LGR6: variants seen among roughly 807,000 people sequenced by gnomAD.
The protein encoded by LGR6 is leucine-rich repeat-containing G protein-coupled receptor 6.
In LGR6, 45 loss-of-function variants were observed where a neutral mutation model predicts 69.4. The observed-to-expected ratio is 0.65, with a 90% CI of 0.51 to 0.83. The LOEUF is 0.83. Ranked by LOEUF, LGR6 falls within the 40% of genes least tolerant of loss-of-function variation. The probability of loss-of-function intolerance (pLI) is 0.00; values close to 1 mark genes in which losing one functional copy is unlikely to be tolerated. For missense variants in LGR6, 1,108 were observed against 1,246.7 expected (o/e 0.89, Z 1.68); for synonymous variants, 538 against 555.0 (o/e 0.97, Z 0.43).
At chr1:202,251,833 C>T (rs1249537493) in intron 4 of LGR6, among the ~76,000 whole-genome samples, 3 of 152,014 alleles carry the variant, frequency 2.0e-5, no homozygotes, top group African/African-American at 7.2e-5. Context: ...GGAGGGGAGC[C>T]CACCTGGAAG....
At position 202,303,285 on chromosome 1, in the gene LGR6, G is replaced by A. The variant is rs1185614697; in HGVS notation, c.936G>A (p.Leu312=). 1 of 1,613,618 alleles carries A rather than the reference G, an allele frequency of 6.2e-7. No individual in the cohort carries two copies. The highest frequency in any genetic ancestry group is 1.1e-5 in the South Asian group (1 of 91,070). ...QYLPKLHTLS[L]NGAMDIQEFP... ...TCATTGTCTCTATTTCCAGATCTCT[G>A]AATGGTGCCATGGACATCCAGGAGT... The change falls in exon 10 of 18, where the codon CTG becomes CTA. Residue 312 remains leucine (L), a synonymous_variant. Coordinates refer to ENST00000367278, the MANE Select transcript of LGR6 (RefSeq NM_001017403.2).
chr1:202,263,625 A>G (rs1260397648), intron 4 of LGR6, among the ~76,000 whole-genome samples: 1 of 152,118 alleles, frequency 6.6e-6, no homozygotes, highest in African/African-American at 2.4e-5. Flanking sequence ...TTGTGGACCA[A>G]TCAGTAAGGA....
At chr1:202,306,665 G>A (rs577669249) in intron 12 of LGR6, 10 of 628,578 alleles carry the variant, frequency 1.6e-5, no homozygotes, top group Admixed American at 2.8e-5. Context: ...TGGTTTTGTG[G>A]CTTTGTCTCC....
At chr1:202,303,689 C>T (rs573307718) in intron 10 of LGR6, among the ~76,000 whole-genome samples, 1 of 152,346 alleles carries the variant, frequency 6.6e-6, no homozygotes, top group East Asian at 1.9e-4. Flanking sequence ...CTTTCTGAAG[C>T]TTGATTCCAA....
At chr1:202,214,199 CCT>C (rs1558009291) in intron 1 of LGR6, 2 of 1,535,850 alleles carry the variant, frequency 1.3e-6, no homozygotes, top group East Asian at 5.3e-5. Flanking sequence ...CGGGACAGAA[CCT>C]CTCCCGGGCT....
chr1:202,253,217 T>G (rs1663417171), intron 4 of LGR6, among the ~76,000 whole-genome samples: 1 of 152,206 alleles, frequency 6.6e-6, no homozygotes, highest in African/African-American at 2.4e-5. Context: ...ACAAAGTGGT[T>G]GTTTTGAAGA....
At chr1:202,214,029 G>T (rs1039123376) in intron 1 of LGR6, 14 of 1,343,072 alleles carry the variant, frequency 1.0e-5, no homozygotes, top group Non-Finnish European at 1.3e-5. Context: ...AGGGAAGAGG[G>T]CAGATGGGTG....
chr1:202,251,495 G>C (rs894730694), intron 4 of LGR6, among the ~76,000 whole-genome samples: 2 of 152,182 alleles, frequency 1.3e-5, no homozygotes, highest in African/African-American at 4.8e-5. Flanking sequence ...CTCCAGGTTG[G>C]GGTATGGGGG....
chr1:202,305,525 C>T (rs1028733946), intron 11 of LGR6, among the ~76,000 whole-genome samples, 159 bp from the exon 12 acceptor site: 1 of 152,030 alleles, frequency 6.6e-6, no homozygotes, highest in Non-Finnish European at 1.5e-5. Flanking sequence ...GAGACTGGTG[C>T]CCTGGTGTGA....
Position 202,194,008 on chromosome 1 carries a change from C to A in LGR6, c.19C>A (p.Leu7Ile). The A allele has an allele frequency of 7.2e-7, 1 of 1,380,836 alleles. No homozygotes were observed. The highest frequency in any genetic ancestry group is 9.3e-7 in the Non-Finnish European group (1 of 1,070,200). 85.5% of individuals were successfully genotyped at this position (1,380,836 alleles called of 1,614,324 possible). A position where few individuals can be genotyped will look rare whatever the true frequency, so the allele number is the denominator to read the frequency against. Residue 7 changes from leucine to isoleucine, a missense_variant, in exon 1 of 18, where the codon CTC (leucine) becomes ATC (isoleucine). Physicochemically the swap from Leu to Ile is conservative, Grantham distance 5. Transcript: ENST00000367278. MPSPPG[L>I]RALWLCAALC... ...CGCCGAGATGCCCAGCCCGCCGGGGCTCCGGGCGCTATGGCTTTGCGCCGC... is the reference window on the plus strand; with the variant it reads ...CGCCGAGATGCCCAGCCCGCCGGGGATCCGGGCGCTATGGCTTTGCGCCGC...
intron 1 of LGR6, among the ~76,000 whole-genome samples, chr1:202,221,438 G>A (rs958530236): frequency 9.2e-5 from 14 of 152,032 alleles, no homozygotes; most frequent in Admixed American, 5.9e-4. Flanking sequence ...AAACTTCCAC[G>A]TCCCATGCCC....
At chr1:202,309,261 G>A in intron 15 of LGR6, 85 bp downstream of exon 15, 1 of 1,528,490 alleles carries the variant, frequency 6.5e-7, no homozygotes, top group Non-Finnish European at 8.9e-7. Context: ...GCCCCACCCT[G>A]AGAAGAGCCT....
Position 202,319,440 on chromosome 1 carries a change from C to T in LGR6, c.*233C>T, listed in dbSNP as rs1196552995. ...GCTTCACCTTGATACTGGGCCTCTT[C>T]CTTGTCATGTCTGAAGCTGTGGACC... On this transcript the variant is annotated 3_prime_UTR_variant, in exon 18 of 18. Coordinates refer to ENST00000367278, the MANE Select transcript of LGR6 (RefSeq NM_001017403.2). 1.2e-5 allele frequency: 6 copies of T among 502,308 alleles called. No homozygotes were observed. The highest frequency in any genetic ancestry group is 2.1e-5 in the Non-Finnish European group (6 of 288,378). 31.1% of individuals were successfully genotyped at this position (502,308 alleles called of 1,614,324 possible).
rs200921865 is a variant in LGR6, at chr1:202,314,788, G to A, written c.1568-14G>A. On this transcript the variant is annotated splice_polypyrimidine_tract_variant and intron_variant, in intron 16 of 17. Transcript: ENST00000367278. ...AAGACCCAGGACCCTGCATCACTTT[G>A]TCTCTCCTTTCAGATGACCAGGACC... The A allele has an allele frequency of 1.9e-6, 3 of 1,608,162 alleles. No individual in the cohort carries two copies. Among genetic ancestry groups the A allele is most frequent in the African/African-American group, 1.3e-5 (1 of 74,900 alleles).
At chr1:202,206,409 G>A (rs910053155) in intron 1 of LGR6, among the ~76,000 whole-genome samples, 12 of 152,336 alleles carry the variant, frequency 7.9e-5, no homozygotes, top group South Asian at 2.1e-4. Flanking sequence ...GCCCCCCAGC[G>A]CAGTTACCTG....
At chr1:202,272,717 C>T (rs953667817) in intron 4 of LGR6, among the ~76,000 whole-genome samples, 5 of 152,248 alleles carry the variant, frequency 3.3e-5, no homozygotes, top group African/African-American at 1.2e-4. Context: ...GATGGACTAA[C>T]CAGGACTGTA....
chr1:202,266,191 G>A (rs548797009), intron 4 of LGR6, among the ~76,000 whole-genome samples: 2 of 152,180 alleles, frequency 1.3e-5, no homozygotes, highest in Non-Finnish European at 2.9e-5. Flanking sequence ...ATCTTGAGAT[G>A]CCTGGAGGTG....
chr1:202,236,233 G>A (rs925536549), intron 4 of LGR6: 3 of 548,942 alleles, frequency 5.5e-6, no homozygotes, highest in African/African-American at 3.8e-5. Flanking sequence ...CCCACTGGGG[G>A]ACTGTGGGAA....
At chr1:202,294,477 A>G (rs535338793) in intron 6 of LGR6, among the ~76,000 whole-genome samples, 2 of 152,170 alleles carry the variant, frequency 1.3e-5, no homozygotes, top group South Asian at 4.2e-4. Context: ...CTCATTCATG[A>G]GGTTGTAGTC....
Sources: gnomAD v4.1 joint callset for allele counts (sites outside exome capture counted in the v4.1 genomes callset) on GRCh38, gnomAD v4.1.1 for gene constraint, MANE v1.5 for transcripts, NCBI Gene and HGNC (gene_info 2026-07-23, HGNC 2026-07-21) for gene names.